Variants in KLF10 observed in about 807,000 individuals in gnomAD.
The protein encoded by KLF10 is KLF transcription factor 10.
Under a neutral mutation model 31.6 loss-of-function variants are expected in KLF10, and 17 were observed. The observed-to-expected ratio is 0.54, with a 90% CI of 0.37 to 0.81. The LOEUF is 0.81. KLF10 is among the 30% of genes least tolerant of loss of function. The probability of loss-of-function intolerance (pLI) is 0.00; values close to 1 mark genes in which losing one functional copy is unlikely to be tolerated. For synonymous variants in KLF10, 239 were observed against 215.1 expected, an observed-to-expected ratio of 1.11 and a Z score of -0.97; for missense variants, 525 against 598.1, an observed-to-expected ratio of 0.88 and a Z score of 1.27.
chr8:102,651,769 C>G lies in KLF10; in HGVS notation c.563G>C (p.Arg188Thr), dbSNP rs943075983. 6.8e-6 allele frequency: 11 copies of G among 1,614,148 alleles called. No homozygotes were observed. The highest frequency in any genetic ancestry group is 9.3e-6 in the Non-Finnish European group (11 of 1,179,978). The change falls in exon 3 of 4, where the codon AGA becomes ACA. Residue 188 changes from arginine to threonine, a missense_variant. Arg to Thr is a moderately conservative substitution (Grantham distance 71). This residue lies in a region of KLF10 where 434 missense variants were observed against 450.7 expected (regional missense o/e 0.96). Transcript: ENST00000285407. ...LNYQNNSFRR[R>T]THLNVEAARK... Reference sequence around the variant, plus strand: ...TGCAGCCTCAACATTTAGGTGGGTTCTTCTTCTAAAAGAATTGTTCTGATA... The same window carrying G: ...TGCAGCCTCAACATTTAGGTGGGTTGTTCTTCTAAAAGAATTGTTCTGATA...
intron 1 of KLF10, among the ~76,000 whole-genome samples, chr8:102,652,613 A>G (rs1672163394): frequency 6.6e-6 from 1 of 152,112 alleles, no homozygotes; most frequent in South Asian, 2.1e-4. Flanking sequence ...TAGTGGCAAT[A>G]AAATCTTCCT....
At position 102,651,231 on chromosome 8, in the gene KLF10, C is replaced by A; in HGVS notation, c.1101G>T (p.Arg367Ser). The A allele has an allele frequency of 6.3e-7, 1 of 1,584,928 alleles. No individual in the cohort carries two copies. Among genetic ancestry groups the A allele is most frequent in the Non-Finnish European group, 8.6e-7 (1 of 1,166,336 alleles). The change falls in exon 3 of 4, where the codon AGG becomes AGT. Residue 367 changes from arginine to serine, a missense_variant. Coordinates refer to ENST00000285407, the MANE Select transcript of KLF10 (RefSeq NM_005655.4). Reference sequence around the variant, plus strand: ...ATCCTGGGTGGCTACAGATGTGACTCCTTATCCTTGATGAATCAATCTGAG... The same window carrying A: ...ATCCTGGGTGGCTACAGATGTGACTACTTATCCTTGATGAATCAATCTGAG... Reference protein sequence around the residue: ...VTPQIDSSRIRSHICSHPGCG... With the variant: ...VTPQIDSSRISSHICSHPGCG...
Position 102,650,187 on chromosome 8 carries a change from T to C in KLF10, c.1388A>G (p.Glu463Gly). 1 of 1,614,226 alleles carries C rather than the reference T, an allele frequency of 6.2e-7. No homozygotes were observed. Among genetic ancestry groups the C allele is most frequent in the Non-Finnish European group, 8.5e-7 (1 of 1,180,040 alleles). Reference sequence around the variant, plus strand: ...AGCAATGTCATTTAGCTTGCTCACTTCCATCTGCCAGTTTGGTAGCTTCTT... The same window carrying C: ...AGCAATGTCATTTAGCTTGCTCACTCCCATCTGCCAGTTTGGTAGCTTCTT... ...SAKKLPNWQM[E>G]VSKLNDIALP... Residue 463 changes from glutamate to glycine, a missense_variant, in exon 4 of 4, where the codon GAA becomes GGA. This residue lies in a region of KLF10 where 42 missense variants were observed against 42.4 expected (regional missense o/e 0.99). Coordinates refer to ENST00000285407, the MANE Select transcript of KLF10 (RefSeq NM_005655.4).
chr8:102,652,132 T>C, intron 2 of KLF10, 32 bp downstream of exon 2: 1 of 1,493,112 alleles, frequency 6.7e-7, no homozygotes, highest in Non-Finnish European at 9.0e-7. Flanking sequence ...AATTATATAA[T>C]TTACGTCTAT....
intron 1 of KLF10, chr8:102,654,003 C>G: frequency 1.0e-6 from 1 of 984,748 alleles, no homozygotes; most frequent in Non-Finnish European, 1.2e-6. Context: ...TTCCTCGCCG[C>G]TCGCACGTCC....
intron 1 of KLF10, chr8:102,653,769 GC>G: frequency 9.1e-7 from 1 of 1,103,704 alleles, no homozygotes; most frequent in Non-Finnish European, 1.1e-6. Flanking sequence ...AGAAAGGCAG[GC>G]GGCAGGGAAA....
intron 1 of KLF10, among the ~76,000 whole-genome samples, chr8:102,655,194 C>CTAG (rs1316500478): frequency 1.3e-5 from 2 of 152,124 alleles, no homozygotes; most frequent in Non-Finnish European, 2.9e-5. Flanking sequence ...TCCCGCGACT[C>CTAG]TCGTTCCACA....
chr8:102,649,087 C>G lies in KLF10; in HGVS notation c.*1045G>C, dbSNP rs1460338694. The G allele has an allele frequency of 1.3e-5, 2 of 151,418 alleles. 1 individual carries two copies. Among genetic ancestry groups the G allele is most frequent in the African/African-American group, 4.9e-5 (2 of 40,866 alleles). The allele number at this position is 151,418 out of a possible 1,614,324, so 9.4% of individuals were successfully genotyped here. A position where few individuals can be genotyped will look rare whatever the true frequency, so the allele number is the denominator to read the frequency against. Reference sequence around the variant, plus strand: ...GTGAATGTTCTAATAATTTTTCTACCCAACTACCTCCACATCCCCAAAAAA... The same window carrying G: ...GTGAATGTTCTAATAATTTTTCTACGCAACTACCTCCACATCCCCAAAAAA... On this transcript the variant is annotated 3_prime_UTR_variant, in exon 4 of 4. Transcript: ENST00000285407.
chr8:102,652,432 T>C, intron 1 of KLF10, 35 bp from the exon 2 acceptor site: 1 of 1,318,406 alleles, frequency 7.6e-7, no homozygotes, highest in Non-Finnish European at 1.0e-6. Flanking sequence ...TATAAGCATA[T>C]TTTTTGTCAT....
At position 102,655,630 on chromosome 8, in the gene KLF10, C is replaced by G. The variant is rs1827348742; in HGVS notation, c.-29G>C. 6.2e-7 allele frequency: 1 copy of G among 1,612,992 alleles called. No homozygotes were observed. Among genetic ancestry groups the G allele is most frequent in the Admixed American group, 1.7e-5 (1 of 59,890 alleles). ...TGGCTGCTTGGCCGCCGGCGGCAAG[C>G]TGACTGGCTGCTAGGCTGCTGGCTG... On this transcript the variant is annotated 5_prime_UTR_variant, in exon 1 of 4. Transcript: ENST00000285407.
In KLF10 at chr8:102,655,571, T is replaced by G. The variant is rs748258912; in HGVS notation, c.31A>C (p.Thr11Pro). Residue 11 changes from threonine (T) to proline (P), a missense_variant, in exon 1 of 4, where the codon ACT becomes CCT. Around this residue, in one of 3 missense-constraint regions of KLF10, gnomAD observed 434 missense variants for 450.7 expected, o/e 0.96. Transcript: ENST00000285407. MLNFGASLQQ[T>P]AEERMEMISE... The stretch of plus-strand genomic sequence containing the variant: ...GGCATCCCCAAATGACTTACCGCAG[T>G]CTGCTGGAGAGAGGCACCGAAGTTG... The G allele has an allele frequency of 6.2e-7, 1 of 1,614,166 alleles. No individual in the cohort carries two copies. Among genetic ancestry groups the G allele is most frequent in the Non-Finnish European group, 8.5e-7 (1 of 1,179,994 alleles).
chr8:102,650,041 G>C lies in KLF10; in HGVS notation c.*91C>G. 6.7e-7 allele frequency: 1 copy of C among 1,484,574 alleles called. No homozygotes were observed. Among genetic ancestry groups the C allele is most frequent in the South Asian group, 1.3e-5 (1 of 75,956 alleles). 92.0% of individuals were successfully genotyped at this position (1,484,574 alleles called of 1,614,324 possible). A position where few individuals can be genotyped will look rare whatever the true frequency, so the allele number is the denominator to read the frequency against. On this transcript the variant is annotated 3_prime_UTR_variant, in exon 4 of 4. Transcript: ENST00000285407. ...GGCTTCTGCTTTAAGCCCACGTTGTGGGGCCACAGACTTGCAGTGGAAGCA... is the reference window on the plus strand; with the variant it reads ...GGCTTCTGCTTTAAGCCCACGTTGTCGGGCCACAGACTTGCAGTGGAAGCA...
intron 1 of KLF10, 93 bp from the exon 2 acceptor site, chr8:102,652,490 T>TTA: frequency 4.6e-6 from 3 of 652,428 alleles, no homozygotes; most frequent in Non-Finnish European, 7.5e-6. Context: ...TTTTTTTTTT[T>TTA]ACAACTCACA....
chr8:102,654,633 G>A (rs1258775196), intron 1 of KLF10, among the ~76,000 whole-genome samples: 1 of 151,936 alleles, frequency 6.6e-6, no homozygotes, highest in Non-Finnish European at 1.5e-5. Context: ...TCTCCCTGTA[G>A]ACGCGGCGCC....
intron 1 of KLF10, 141 bp from the exon 2 acceptor site, chr8:102,652,538 C>T (rs749462489): frequency 1.7e-6 from 1 of 574,656 alleles, no homozygotes; most frequent in Non-Finnish European, 3.0e-6. Flanking sequence ...ATTTTCCTCT[C>T]ACACTTACTA....
intron 1 of KLF10, chr8:102,653,484 T>G (rs772443795): frequency 6.5e-7 from 1 of 1,549,298 alleles, no homozygotes; most frequent in Admixed American, 2.1e-5. Context: ...TCTCCTATTT[T>G]CCATTAAAAG....
Position 102,652,198 on chromosome 8 carries a change from G to A in KLF10, c.236C>T (p.Pro79Leu), listed in dbSNP as rs774909989. 5.0e-6 allele frequency: 8 copies of A among 1,603,720 alleles called. No homozygotes were observed. The highest frequency in any genetic ancestry group is 1.1e-5 in the South Asian group (1 of 89,406). Residue 79 changes from proline to leucine, a missense_variant, in exon 2 of 4, where the codon CCG becomes CTG. By Grantham distance (98) the Pro-to-Leu change is moderately conservative (BLOSUM62 -3). This residue lies in a region of KLF10 where 434 missense variants were observed against 450.7 expected (regional missense o/e 0.96). Coordinates refer to ENST00000285407, the MANE Select transcript of KLF10 (RefSeq NM_005655.4). ...GATTGTATGAAAATCAGGTGTTCCC[G>A]GAAGCAGATTCTCTTCCTCTGACAA... ...SDLSEEENLL[P>L]GTPDFHTIPA...
rs1827226363 is a variant in KLF10, at chr8:102,652,010, T to G, written c.322A>C (p.Asn108His). 6.2e-7 allele frequency: 1 copy of G among 1,613,442 alleles called. No individual in the cohort carries two copies. The highest frequency in any genetic ancestry group is 1.3e-5 in the African/African-American group (1 of 74,876). The change falls in exon 3 of 4, where the codon AAT becomes CAT. Residue 108 changes from asparagine to histidine, a missense_variant. Transcript: ENST00000285407. ...GTAGATGGCGCTGGTGCCATCAGAT[T>G]TGACACTTGAGAGGGTTCAAAGTCA... ...PSDFEPSQVS[N>H]LMAPAPSTVH...
chr8:102,653,882 G>A (rs1038004841), intron 1 of KLF10: 1 of 958,570 alleles, frequency 1.0e-6, no homozygotes, highest in Non-Finnish European at 1.2e-6. Flanking sequence ...CGCGGGCGGG[G>A]GAGGCAGACG....
Sources: allele counts gnomAD v4.1 joint callset (sites outside exome capture counted in the v4.1 genomes callset), GRCh38; gene constraint gnomAD v4.1.1; regional missense constraint gnomAD v4.1.1; transcripts MANE v1.5; gene names NCBI Gene and HGNC (gene_info 2026-07-23, HGNC 2026-07-21).